The following TPST1 variants were observed in gnomAD, a reference collection of about 807,000 sequenced individuals.
TPST1 encodes protein-tyrosine sulfotransferase 1.
Under a neutral mutation model 34.8 loss-of-function variants are expected in TPST1, and 20 were observed. The ratio of observed to expected loss-of-function variants is 0.57; its 90% confidence interval spans 0.40 to 0.84. The LOEUF (loss-of-function observed/expected upper bound fraction) is 0.84, where lower values mean the gene tolerates loss of function less well. Among genes scored for constraint, TPST1 ranks in the 40% least tolerant of loss-of-function variants. TPST1 has a pLI of 0.00. For missense variants in TPST1, 353 were observed against 455.5 expected, an observed-to-expected ratio of 0.78 and a Z score of 2.05; for synonymous variants, 152 against 159.4, an observed-to-expected ratio of 0.95 and a Z score of 0.35.
At chr7:66,322,663 G>C (rs1791780832) in intron 3 of TPST1, among the ~76,000 whole-genome samples, 1 of 152,116 alleles carries the variant, frequency 6.6e-6, no homozygotes, top group African/African-American at 2.4e-5. Context: ...CCATTTCTTG[G>C]CTATTGTGAA....
intron 2 of TPST1, among the ~76,000 whole-genome samples, chr7:66,270,677 T>C (rs1362168109): frequency 1.3e-5 from 2 of 152,238 alleles, no homozygotes; most frequent in East Asian, 3.8e-4. Flanking sequence ...TGAATTTTGC[T>C]GATTGGAAAA....
upstream of TPST1, among the ~76,000 whole-genome samples, chr7:66,202,434 C>G (rs77244996): frequency 6.6e-6 from 1 of 152,168 alleles, no homozygotes. Flanking sequence ...ATCTAGAATT[C>G]GTTCTCACAG....
At chr7:66,341,519 T>C (rs1323441561) in intron 3 of TPST1, among the ~76,000 whole-genome samples, 1 of 152,152 alleles carries the variant, frequency 6.6e-6, no homozygotes, top group Admixed American at 6.6e-5. Flanking sequence ...GACCTCATGA[T>C]CCACCTGCCT....
chr7:66,353,762 C>T (rs1792527974), intron 4 of TPST1, among the ~76,000 whole-genome samples: 1 of 152,182 alleles, frequency 6.6e-6, no homozygotes, highest in Non-Finnish European at 1.5e-5. Flanking sequence ...GAAGAGGAGA[C>T]TCAGTTTTGA....
chr7:66,343,966 A>G (rs1205586945), intron 3 of TPST1, among the ~76,000 whole-genome samples: 2 of 152,274 alleles, frequency 1.3e-5, no homozygotes, highest in African/African-American at 2.4e-5. Context: ...AAGCAATACT[A>G]TAACAGAAAT....
At chr7:66,259,420 T>G (rs1790442033) in intron 2 of TPST1, among the ~76,000 whole-genome samples, 2 of 152,172 alleles carry the variant, frequency 1.3e-5, no homozygotes, top group African/African-American at 4.8e-5. Flanking sequence ...TGGAACGTGT[T>G]GAGCTCTTTG....
In TPST1 at chr7:66,352,565, C is replaced by T; in HGVS notation, c.1095+10C>T. 2 of 1,612,626 alleles carry T rather than the reference C, an allele frequency of 1.2e-6. No homozygotes were observed. Among genetic ancestry groups the T allele is most frequent in the Non-Finnish European group, 1.7e-6 (2 of 1,179,692 alleles). Reference sequence around the variant, plus strand: ...TAAAGAAAAACCACAGGTACTGTGTCTGCTTTTTCCTCCTGATGTATACTA... The same window carrying T: ...TAAAGAAAAACCACAGGTACTGTGTTTGCTTTTTCCTCCTGATGTATACTA... On this transcript the variant is annotated intron_variant, in intron 4 of 5. Transcript: ENST00000304842.
chr7:66,218,043 A>G (rs1188991892), intron 1 of TPST1, among the ~76,000 whole-genome samples: 1 of 151,752 alleles, frequency 6.6e-6, no homozygotes, highest in Non-Finnish European at 1.5e-5. Flanking sequence ...CCATGCCCAG[A>G]TAATTTTTGT....
intron 1 of TPST1, among the ~76,000 whole-genome samples, chr7:66,224,028 A>G (rs1789598982): frequency 1.3e-5 from 2 of 152,122 alleles, no homozygotes; most frequent in Non-Finnish European, 2.9e-5. Flanking sequence ...GTATCAGCTG[A>G]CTTTCAAAGA....
chr7:66,215,858 C>T (rs111900914), intron 1 of TPST1, among the ~76,000 whole-genome samples: 2,125 of 148,294 alleles, frequency 0.014, 26 homozygotes, highest in Middle Eastern at 0.026. Flanking sequence ...CTGCAAGCTC[C>T]ACCTCCTGGG....
chr7:66,308,868 A>G (rs1383630557), intron 3 of TPST1, among the ~76,000 whole-genome samples: 1 of 152,122 alleles, frequency 6.6e-6, no homozygotes, highest in Non-Finnish European at 1.5e-5. Context: ...CGTATTAAAT[A>G]CACCCCAGTA....
At chr7:66,282,374 G>C (rs1790949097) in intron 2 of TPST1, among the ~76,000 whole-genome samples, 1 of 152,192 alleles carries the variant, frequency 6.6e-6, no homozygotes, top group African/African-American at 2.4e-5. Flanking sequence ...TTCTGTTATA[G>C]AGCAAAAGCA....
chr7:66,348,861 C>T (rs778736), intron 3 of TPST1, among the ~76,000 whole-genome samples: 50,768 of 151,924 alleles, frequency 0.33, 8,860 homozygotes, highest in Middle Eastern at 0.49. Flanking sequence ...TGAATTTTTG[C>T]GTGAGCCTTT....
At chr7:66,234,960 T>C (rs1375276000) in intron 1 of TPST1, among the ~76,000 whole-genome samples, 1 of 152,114 alleles carries the variant, frequency 6.6e-6, no homozygotes, top group African/African-American at 2.4e-5. Flanking sequence ...GGTGTGAGCC[T>C]CCGCGCCCAG....
chr7:66,317,167 AGTATTTAATGAATGTGTTCAAAAATC>A (rs1791650322), intron 3 of TPST1, among the ~76,000 whole-genome samples: 1 of 152,254 alleles, frequency 6.6e-6, no homozygotes. Flanking sequence ...AGTTGTTTGT[AGTATTTAATGAATGTGTTCAAAAATC>A]TGTATCTTTA....
Position 66,345,182 on chromosome 7 carries a change from A to C in TPST1, c.1045-7323A>C, listed in dbSNP as rs150896046. On this transcript the variant is annotated intron_variant, in intron 3 of 5. Transcript: ENST00000304842. ...ATGCCAAACCACAAATCCAGTTTAGAAAGTTAAGAAAACAAGCAAGATCAA... is the reference window on the plus strand; with the variant it reads ...ATGCCAAACCACAAATCCAGTTTAGCAAGTTAAGAAAACAAGCAAGATCAA... Among the ~76,000 whole-genome samples, 6 of 152,104 alleles carry C rather than the reference A, an allele frequency of 3.9e-5. No individual in the cohort carries two copies. The East Asian group carries it at 1.2e-3, about 29-fold the overall frequency.
At chr7:66,312,840 A>C (rs1456596923) in intron 3 of TPST1, among the ~76,000 whole-genome samples, 2 of 152,144 alleles carry the variant, frequency 1.3e-5, no homozygotes, top group Non-Finnish European at 1.5e-5. Context: ...CCTATGAAAG[A>C]AAAAAATAGA....
chr7:66,276,152 T>C (rs1183528662), intron 2 of TPST1, among the ~76,000 whole-genome samples: 2 of 151,762 alleles, frequency 1.3e-5, no homozygotes, highest in African/African-American at 4.8e-5. Flanking sequence ...ATAGCAGATA[T>C]TCTCAGATAT....
At chr7:66,330,895 G>A (rs771590123) in intron 3 of TPST1, among the ~76,000 whole-genome samples, 4 of 152,156 alleles carry the variant, frequency 2.6e-5, no homozygotes, top group African/African-American at 4.8e-5. Context: ...ATTCTAAAAC[G>A]TATTAATGGC....
Sources: allele counts gnomAD v4.1 joint callset (sites outside exome capture counted in the v4.1 genomes callset), GRCh38; gene constraint gnomAD v4.1.1; transcripts MANE v1.5; gene names NCBI Gene and HGNC (gene_info 2026-07-23, HGNC 2026-07-21).